The following AAK1 variants were observed in gnomAD, a reference collection of about 807,000 sequenced individuals.
AAK1 encodes the protein AP2 associated kinase 1, also known as AP2-associated protein kinase 1.
A neutral mutation model predicts 116.0 loss-of-function variants in AAK1; 37 were observed. The ratio of observed to expected loss-of-function variants is 0.32; its 90% CI spans 0.25 to 0.42. The LOEUF is 0.42. AAK1 is among the 10% of genes least tolerant of loss of function. The pLI, the probability that AAK1 is intolerant of heterozygous loss-of-function variation, is 1.00. For synonymous variants in AAK1, 458 were observed against 439.9 expected (o/e 1.04, Z -0.51); for missense variants, 919 against 1,170.6 (o/e 0.79, Z 3.14).
intron 2 of AAK1, among the ~76,000 whole-genome samples, chr2:69,560,332 A>G (rs1392967934): frequency 6.6e-6 from 1 of 152,250 alleles, no homozygotes; most frequent in African/African-American, 2.4e-5. Context: ...AAGAGGGTTC[A>G]GGCTATTACG....
At chr2:69,524,733 G>A (rs1279395401) in intron 10 of AAK1, among the ~76,000 whole-genome samples, 1 of 152,054 alleles carries the variant, frequency 6.6e-6, no homozygotes, top group Admixed American at 6.6e-5. Flanking sequence ...ACGCCTGGCC[G>A]TACTAGCAAT....
At chr2:69,563,344 T>C (rs1671725663) in intron 2 of AAK1, among the ~76,000 whole-genome samples, 1 of 152,066 alleles carries the variant, frequency 6.6e-6, no homozygotes, top group Non-Finnish European at 1.5e-5. Context: ...TGAGAAGTGA[T>C]GGGAAACAGC....
At chr2:69,566,223 A>G (rs1671860597) in intron 2 of AAK1, among the ~76,000 whole-genome samples, 1 of 152,218 alleles carries the variant, frequency 6.6e-6, no homozygotes, top group African/African-American at 2.4e-5. Context: ...GAAGGAACAA[A>G]AGTTTTCAAA....
chr2:69,566,138 C>A (rs954271251), intron 2 of AAK1, among the ~76,000 whole-genome samples: 2 of 152,182 alleles, frequency 1.3e-5, no homozygotes, highest in Non-Finnish European at 2.9e-5. Flanking sequence ...TGAGCTCCCA[C>A]AAGGAATGAC....
At chr2:69,504,201 A>G (rs1011671327) in intron 16 of AAK1, among the ~76,000 whole-genome samples, 1 of 151,446 alleles carries the variant, frequency 6.6e-6, no homozygotes, top group African/African-American at 2.4e-5. Flanking sequence ...GTTCGAGACT[A>G]GCATGGCCAA....
rs1674311597 is a variant in AAK1, at chr2:69,460,445, G to T, written c.*15424C>A. On this transcript the variant is annotated 3_prime_UTR_variant, in exon 22 of 22. Coordinates refer to ENST00000409085, the MANE Select transcript of AAK1 (RefSeq NM_014911.5). Reference sequence around the variant, plus strand: ...GATTATAATCTGCTACTTTGATTATGCATCAGTGAAATGTCCACCAAGCAG... The same window carrying T: ...GATTATAATCTGCTACTTTGATTATTCATCAGTGAAATGTCCACCAAGCAG... 1.3e-5 allele frequency: 2 copies of T among 152,542 alleles called. No individual in the cohort carries two copies. Among genetic ancestry groups the T allele is most frequent in the Non-Finnish European group, 2.9e-5 (2 of 68,044 alleles). The allele number at this position is 152,542 out of a possible 1,614,324, so 9.4% of individuals were successfully genotyped here.
intron 3 of AAK1, among the ~76,000 whole-genome samples, chr2:69,546,698 T>G (rs1032143146): frequency 6.6e-6 from 1 of 152,176 alleles, no homozygotes; most frequent in Non-Finnish European, 1.5e-5. Context: ...CCAAAATTCA[T>G]GTTAAAACTT....
Position 69,479,047 on chromosome 2 carries a change from C to T in AAK1, c.2584G>A (p.Glu862Lys), listed in dbSNP as rs749982591. 1.9e-6 allele frequency: 3 copies of T among 1,612,636 alleles called. No homozygotes were observed. Among genetic ancestry groups the T allele is most frequent in the South Asian group, 1.1e-5 (1 of 91,070 alleles). The change falls in exon 20 of 22, where the codon GAA becomes AAA. Residue 862 changes from glutamate (E) to lysine (K), a missense_variant. This residue lies in a region of AAK1 where 263 missense variants were observed against 285.5 expected (regional missense o/e 0.92). Coordinates refer to ENST00000409085, the MANE Select transcript of AAK1 (RefSeq NM_014911.5). Reference sequence around the variant, plus strand: ...AGAGAGCAATCAAGCAGGGAATCTTCCCCGGTGAGAGAATCTGAGTCCAGA... The same window carrying T: ...AGAGAGCAATCAAGCAGGGAATCTTTCCCGGTGAGAGAATCTGAGTCCAGA... ...TSNRTDSLTG[E>K]DSLLDCSLLS...
chr2:69,516,317 A>G (rs1381449761), intron 12 of AAK1, among the ~76,000 whole-genome samples: 1 of 151,906 alleles, frequency 6.6e-6, no homozygotes, highest in Admixed American at 6.6e-5. Context: ...ATTTCCAGAA[A>G]AAAAAAAAAA....
At chr2:69,550,588 C>T (rs1572947959) in intron 3 of AAK1, among the ~76,000 whole-genome samples, 1 of 151,992 alleles carries the variant, frequency 6.6e-6, no homozygotes, top group Non-Finnish European at 1.5e-5. Flanking sequence ...CCACTGCGTG[C>T]CCGGCCTCTT....
chr2:69,576,927 C>T (rs973885881), intron 2 of AAK1, among the ~76,000 whole-genome samples: 5 of 152,228 alleles, frequency 3.3e-5, no homozygotes, highest in African/African-American at 1.2e-4. Context: ...ATATCATTCT[C>T]CACGGCATTA....
intron 16 of AAK1, among the ~76,000 whole-genome samples, chr2:69,505,291 T>G (rs1428800528): frequency 2.6e-5 from 4 of 152,234 alleles, no homozygotes; most frequent in Non-Finnish European, 5.9e-5. Flanking sequence ...AAGACGTGCC[T>G]GTGGACTAGA....
chr2:69,487,571 C>A (rs1210328179), intron 17 of AAK1, among the ~76,000 whole-genome samples: 1 of 152,120 alleles, frequency 6.6e-6, no homozygotes, highest in Non-Finnish European at 1.5e-5. Context: ...AAGGCAAAAG[C>A]CATTCTTCTG....
At chr2:69,577,345 C>T (rs535621498) in intron 2 of AAK1, among the ~76,000 whole-genome samples, 27 of 152,358 alleles carry the variant, frequency 1.8e-4, no homozygotes, top group Admixed American at 1.1e-3. Context: ...TAAAATGAGA[C>T]ACCGCAAGGT....
chr2:69,621,149 T>C (rs1016314804), intron 2 of AAK1, among the ~76,000 whole-genome samples: 3 of 152,156 alleles, frequency 2.0e-5, no homozygotes, highest in Non-Finnish European at 4.4e-5. Context: ...GCTGGGATGT[T>C]CTGAATTCAA....
Position 69,469,978 on chromosome 2 carries a change from C to G in AAK1, c.*5891G>C, listed in dbSNP as rs1040033799. ...AACTTGGCAACTATCCTCACCAGCT[C>G]CCTATTCACTTCCAAAGCAACCCAA... On this transcript the variant is annotated 3_prime_UTR_variant, in exon 22 of 22. Coordinates refer to ENST00000409085, the MANE Select transcript of AAK1 (RefSeq NM_014911.5). 1 of 985,258 alleles carries G rather than the reference C, an allele frequency of 1.0e-6. No homozygotes were observed. Among genetic ancestry groups the G allele is most frequent in the African/African-American group, 1.7e-5 (1 of 57,206 alleles). The allele number at this position is 985,258 out of a possible 1,614,324, so 61.0% of individuals were successfully genotyped here. A position where few individuals can be genotyped will look rare whatever the true frequency, so the allele number is the denominator to read the frequency against.
At chr2:69,601,328 A>G (rs2105195721) in intron 2 of AAK1, among the ~76,000 whole-genome samples, 1 of 152,370 alleles carries the variant, frequency 6.6e-6, no homozygotes. Context: ...TAGGCTGTGT[A>G]ACTGGGCTCA....
chr2:69,502,092 C>T (rs545305661), intron 16 of AAK1, among the ~76,000 whole-genome samples: 52 of 152,066 alleles, frequency 3.4e-4, no homozygotes, highest in African/African-American at 1.2e-3. Context: ...AACATCCAAC[C>T]TCTGGCTAGA....
chr2:69,639,664 T>C (rs1362849612), intron 2 of AAK1, among the ~76,000 whole-genome samples: 1 of 152,124 alleles, frequency 6.6e-6, no homozygotes, highest in East Asian at 1.9e-4. Flanking sequence ...ATACCCACGC[T>C]AGAGAAAAAG....
Sources: gnomAD v4.1 joint callset for allele counts (sites outside exome capture counted in the v4.1 genomes callset) on GRCh38, gnomAD v4.1.1 for gene constraint, gnomAD v4.1.1 regional missense constraint, MANE v1.5 for transcripts, NCBI Gene and HGNC (gene_info 2026-07-23, HGNC 2026-07-21) for gene names.